ERBB3: variants seen among roughly 807,000 people sequenced by gnomAD.
ERBB3 encodes receptor tyrosine-protein kinase erbB-3.
ERBB3 carries 96 observed loss-of-function variants against 156.7 expected under a neutral mutation model. The ratio of observed to expected loss-of-function variants is 0.61; its 90% CI spans 0.52 to 0.73. The LOEUF is 0.73. ERBB3 is among the 30% of genes least tolerant of loss of function. The pLI is 0.00. For synonymous variants in ERBB3, 567 were observed against 632.0 expected, an observed-to-expected ratio of 0.90 and a Z score of 1.54; for missense variants, 1,406 against 1,709.4, an observed-to-expected ratio of 0.82 and a Z score of 3.13.
At chr12:56,089,609 G>C (rs1043004841) in intron 9 of ERBB3, among the ~76,000 whole-genome samples, 2 of 151,964 alleles carry the variant, frequency 1.3e-5, no homozygotes, top group Non-Finnish European at 2.9e-5. Context: ...TGGGTGTGGT[G>C]GTGCACATGC....
Position 56,093,047 on chromosome 12 carries a change from G to T in ERBB3, c.1245G>T (p.Leu415Phe). 6.2e-7 allele frequency: 1 copy of T among 1,614,004 alleles called. No homozygotes were observed. The highest frequency in any genetic ancestry group is 1.1e-5 in the South Asian group (1 of 91,058). ...ACAACTTCAGTGTTTTTTCCAATTT[G>T]ACAACCATTGGAGGCAGAAGCCTCT... is the stretch of plus-strand genomic sequence containing the variant. Reference protein sequence around the residue: ...HMHNFSVFSNLTTIGGRSLYN... With the variant: ...HMHNFSVFSNFTTIGGRSLYN... The change falls in exon 11 of 28, where the codon TTG becomes TTT. Residue 415 changes from leucine to phenylalanine, a missense_variant. Transcript: ENST00000267101.
Position 56,097,054 on chromosome 12 carries a change from G to C in ERBB3, c.2284G>C (p.Ala762Pro), listed in dbSNP as rs775138327. Residue 762 changes from alanine (A) to proline (P), a missense_variant, in exon 20 of 28, where the codon GCC becomes CCC. This residue lies in a region of ERBB3 where 979 missense variants were observed against 1,219.6 expected (regional missense o/e 0.80). Coordinates refer to ENST00000267101, the MANE Select transcript of ERBB3 (RefSeq NM_001982.4). ...CTTTTGTGTCTCTTAGCATATGCTG[G>C]CCATTGGCAGCCTGGACCATGCCCA... ...SFQAVTDHML[A>P]IGSLDHAHIV... is the part of the protein sequence containing the mutation. 1.9e-6 allele frequency: 3 copies of C among 1,614,082 alleles called. No homozygotes were observed. Among genetic ancestry groups the C allele is most frequent in the Middle Eastern group, 1.6e-4 (1 of 6,062 alleles).
intron 9 of ERBB3, among the ~76,000 whole-genome samples, chr12:56,091,013 A>AAGACCAGCC (rs1868662121): frequency 6.6e-6 from 1 of 151,538 alleles, no homozygotes; most frequent in Non-Finnish European, 1.5e-5. Flanking sequence ...TTTATCTTTC[A>AAGACCAGCC]TGATATTCTT....
In ERBB3 at chr12:56,096,549, C is replaced by T. The variant is rs2136817173; in HGVS notation, c.2102C>T (p.Ala701Val). The stretch of plus-strand genomic sequence containing the variant: ...AGTGAGAAGGCTAACAAAGTCTTGG[C>T]CAGAATCTTCAAAGAGACAGAGCTA... ...DPSEKANKVL[A>V]RIFKETELRK... The change falls in exon 18 of 28, where the codon GCC (alanine) becomes GTC (valine). Residue 701 changes from alanine to valine, a missense_variant. Physicochemically the swap from Ala to Val is moderately conservative, Grantham distance 64 (BLOSUM62 0). This residue lies in a region of ERBB3 where 979 missense variants were observed against 1,219.6 expected (regional missense o/e 0.80). Coordinates refer to ENST00000267101, the MANE Select transcript of ERBB3 (RefSeq NM_001982.4). The T allele has an allele frequency of 6.2e-7, 1 of 1,614,146 alleles. No individual in the cohort carries two copies. Among genetic ancestry groups the T allele is most frequent in the East Asian group, 2.2e-5 (1 of 44,882 alleles).
intron 9 of ERBB3, chr12:56,089,087 A>G (rs1305571766): frequency 1.4e-5 from 9 of 651,980 alleles, no homozygotes; most frequent in Non-Finnish European, 2.3e-5. Flanking sequence ...CCTGCCAAGG[A>G]ACAAGGGACA....
At chr12:56,091,266 T>TTATATATATA (rs199547778) in intron 9 of ERBB3, among the ~76,000 whole-genome samples, 43 of 43,418 alleles carry the variant, frequency 9.9e-4, no homozygotes, top group African/African-American at 2.8e-3. Flanking sequence ...TTGGCTAATT[T>TTATATATATA]TATATATATA....
chr12:56,089,168 C>T (rs1175888844), intron 9 of ERBB3: 1 of 474,568 alleles, frequency 2.1e-6, no homozygotes, highest in South Asian at 1.5e-5. Flanking sequence ...GGGTCTTGCT[C>T]TGTCACCTAG....
At position 56,101,887 on chromosome 12, in the gene ERBB3, AG is replaced by A. The variant is rs1385259167; in HGVS notation, c.3864del (p.Tyr1289MetfsTer4). The A allele has an allele frequency of 1.9e-6, 3 of 1,613,460 alleles. No homozygotes were observed. Among genetic ancestry groups the A allele is most frequent in the African/African-American group, 1.3e-5 (1 of 74,776 alleles). The stretch of plus-strand genomic sequence containing the variant: ...TGGGGGCCTGCCCAGCATCTGAGCA[AG>A]GGTATGAAGAGATGAGAGCTTTTCA... ...AMGACPASEQGYEEMRAFQGP... is the reference protein window; with the variant it reads ...AMGACPASEQXYEEMRAFQGP... On this transcript the variant is annotated frameshift_variant, in exon 28 of 28. Transcript: ENST00000267101. LOFTEE classifies it high-confidence loss of function.
At position 56,102,355 on chromosome 12, in the gene ERBB3, C is replaced by G. The variant is rs1221605116; in HGVS notation, c.*300C>G. 1 of 411,530 alleles carries G rather than the reference C, an allele frequency of 2.4e-6. No individual in the cohort carries two copies. The allele number at this position is 411,530 out of a possible 1,614,324, so 25.5% of individuals were successfully genotyped here. A position where few individuals can be genotyped will look rare whatever the true frequency, so the allele number is the denominator to read the frequency against. On this transcript the variant is annotated 3_prime_UTR_variant, in exon 28 of 28. Coordinates refer to ENST00000267101, the MANE Select transcript of ERBB3 (RefSeq NM_001982.4). Reference sequence around the variant, plus strand: ...ACTCCTGGAGATATGAAGGATTACTCTCCATATCCCTTCCTCTCAGGCTCT... The same window carrying G: ...ACTCCTGGAGATATGAAGGATTACTGTCCATATCCCTTCCTCTCAGGCTCT...
chr12:56,088,975 T>C (rs544239965), intron 9 of ERBB3, 107 bp downstream of exon 9: 2 of 1,463,558 alleles, frequency 1.4e-6, no homozygotes, highest in African/African-American at 1.4e-5. Flanking sequence ...ATCAAAGTCA[T>C]AAAATTCTAG....
intron 20 of ERBB3, among the ~76,000 whole-genome samples, chr12:56,097,446 C>T (rs1868925196): frequency 6.6e-6 from 1 of 152,208 alleles, no homozygotes; most frequent in African/African-American, 2.4e-5. Flanking sequence ...GTCCCCATCA[C>T]TTGCATTACC....
At chr12:56,090,093 G>A (rs772356516) in intron 9 of ERBB3, among the ~76,000 whole-genome samples, 3 of 151,296 alleles carry the variant, frequency 2.0e-5, no homozygotes, top group South Asian at 2.1e-4. Context: ...TCTGCCTCCC[G>A]GGTTCAAGCA....
rs758350871 is a variant in ERBB3 at position 56,095,682 on chromosome 12, T to C, written c.1931T>C (p.Met644Thr). 1.2e-6 allele frequency: 2 copies of C among 1,614,202 alleles called. No individual in the cohort carries two copies. Among genetic ancestry groups the C allele is most frequent in the South Asian group, 2.2e-5 (2 of 91,090 alleles). The change falls in exon 17 of 28, where the codon ATG becomes ACG. Residue 644 changes from methionine (M) to threonine (T), a missense_variant. Coordinates refer to ENST00000267101, the MANE Select transcript of ERBB3 (RefSeq NM_001982.4). ...LVLIGKTHLT[M>T]ALTVIAGLVV... ...TCCCATAGCAAAACCCATCTGACAA[T>C]GGCTTTGACAGTGATAGCAGGATTG... is the stretch of plus-strand genomic sequence containing the variant.
intron 20 of ERBB3, among the ~76,000 whole-genome samples, chr12:56,097,500 C>T (rs1030821270): frequency 1.3e-5 from 2 of 152,160 alleles, no homozygotes; most frequent in African/African-American, 4.8e-5. Flanking sequence ...GCATTAGATT[C>T]TCTTAGGAGC....
At chr12:56,090,857 C>T (rs558338770) in intron 9 of ERBB3, among the ~76,000 whole-genome samples, 3 of 152,174 alleles carry the variant, frequency 2.0e-5, no homozygotes, top group South Asian at 2.1e-4. Context: ...TTGTTTGAAT[C>T]GGAAAATTAA....
At chr12:56,086,472 G>C in intron 3 of ERBB3, 59 bp from the exon 4 acceptor site, 1 of 1,610,832 alleles carries the variant, frequency 6.2e-7, no homozygotes, top group Non-Finnish European at 8.5e-7. Context: ...TGGGTGGAGA[G>C]GTAAGGAAGA....
chr12:56,085,791 T>C (rs1450789570), intron 3 of ERBB3, among the ~76,000 whole-genome samples: 3 of 131,838 alleles, frequency 2.3e-5, no homozygotes, highest in African/African-American at 6.0e-5. Context: ...AAAAAAAGCC[T>C]GGGCGCGGTG....
intron 13 of ERBB3, 60 bp downstream of exon 13, chr12:56,093,956 C>G: frequency 6.2e-7 from 1 of 1,605,272 alleles, no homozygotes; most frequent in Non-Finnish European, 8.5e-7. Context: ...TGGAACTGTT[C>G]AGGTGGCATA....
chr12:56,101,475 TC>T, intron 27 of ERBB3, 53 bp from the exon 28 acceptor site: 1 of 1,605,368 alleles, frequency 6.2e-7, no homozygotes, highest in South Asian at 1.1e-5. Flanking sequence ...TTTCAAACTT[TC>T]CCCTACCCTC....
Sources: allele counts gnomAD v4.1 joint callset (sites outside exome capture counted in the v4.1 genomes callset), GRCh38; gene constraint gnomAD v4.1.1; regional missense constraint gnomAD v4.1.1; transcripts MANE v1.5; gene names NCBI Gene and HGNC (gene_info 2026-07-23, HGNC 2026-07-21).